The following GTF2H5 variants were observed in gnomAD, a reference collection of about 807,000 sequenced individuals.
GTF2H5 encodes TFB5 ortholog.
A neutral mutation model predicts 7.1 loss-of-function variants in GTF2H5; 5 were observed. That is an observed-to-expected ratio of 0.71 (90% confidence interval 0.37 to 1.49). GTF2H5 has a LOEUF of 1.49. Among genes scored for constraint, GTF2H5 ranks in the 40% most tolerant of loss-of-function variants. The probability of loss-of-function intolerance (pLI) is 0.03; values close to 1 mark genes in which losing one functional copy is unlikely to be tolerated. For synonymous variants in GTF2H5, 30 were observed against 31.7 expected, an observed-to-expected ratio of 0.95 and a Z score of 0.18; for missense variants, 80 against 83.0, an observed-to-expected ratio of 0.96 and a Z score of 0.14.
At chr6:158,168,436 T>C (rs982904567) in intron 1 of GTF2H5, 41 bp downstream of exon 1, 8 of 152,444 alleles carry the variant, frequency 5.2e-5, no homozygotes, top group Non-Finnish European at 1.0e-4. Context: ...AAGTGGGGTG[T>C]GGGAACACTG....
intron 2 of GTF2H5, among the ~76,000 whole-genome samples, chr6:158,176,383 T>A (rs1309605258): frequency 6.6e-6 from 1 of 152,174 alleles, no homozygotes; most frequent in Non-Finnish European, 1.5e-5. Context: ...CCTGCCACCA[T>A]GCCTGGCTAA....
In GTF2H5 at chr6:158,194,515, T is replaced by TG. The variant is rs1777078518; in HGVS notation, c.*2363dup. On this transcript the variant is annotated 3_prime_UTR_variant, in exon 3 of 3. Coordinates refer to ENST00000607778, the MANE Select transcript of GTF2H5 (RefSeq NM_207118.3). The stretch of plus-strand genomic sequence containing the variant: ...TAAATCTATCATAAGATGTCAGGTG[T>TG]GGGGGCTCTGCCAGACACAAACTCA... 6.6e-6 allele frequency: 1 copy of TG among 152,212 alleles called. No homozygotes were observed. Among genetic ancestry groups the TG allele is most frequent in the Admixed American group, 6.5e-5 (1 of 15,282 alleles). The allele number at this position is 152,212 out of a possible 1,614,324, so 9.4% of individuals were successfully genotyped here.
rs184669847 is a variant in GTF2H5, at chr6:158,169,740, A to G, written c.-34-730A>G. On this transcript the variant is annotated intron_variant, in intron 1 of 2. Coordinates refer to ENST00000607778, the MANE Select transcript of GTF2H5 (RefSeq NM_207118.3). ...TATATTATATAATATATTGTATATT[A>G]TATATTATATAATATATTGTATATT... is the stretch of plus-strand genomic sequence containing the variant. Among the ~76,000 whole-genome samples the G allele has an allele frequency of 3.5e-4, 14 of 40,488 alleles. 1 individual carries two copies. The highest frequency in any genetic ancestry group is 2.1e-3 in the African/African-American group (13 of 6,328). 26.6% of individuals were successfully genotyped at this position (40,488 alleles called of 152,430 possible).
intron 2 of GTF2H5, among the ~76,000 whole-genome samples, chr6:158,181,521 T>A (rs967957731): frequency 6.6e-6 from 1 of 152,182 alleles, no homozygotes; most frequent in African/African-American, 2.4e-5. Context: ...TCTTTGTAGG[T>A]CTCTAAGAAC....
At position 158,175,026 on chromosome 6, in the gene GTF2H5, G is replaced by GTGTGTGTGTGTGTGTGTGTATA. The variant is rs1554267650; in HGVS notation, c.35+4489_35+4510dup. Reference sequence around the variant, plus strand: ...GTGCCTGAGATGTGTGTGTGTGTGTGTGTGTGTGTGTGTGTGTGTATACAC... The same window carrying GTGTGTGTGTGTGTGTGTGTATA: ...GTGCCTGAGATGTGTGTGTGTGTGTGTGTGTGTGTGTGTGTGTGTATATGTGTGTGTGTGTGTGTGTATACAC... On this transcript the variant is annotated intron_variant, in intron 2 of 2. Coordinates refer to ENST00000607778, the MANE Select transcript of GTF2H5 (RefSeq NM_207118.3). Among the ~76,000 whole-genome samples, 289 of 140,212 alleles carry GTGTGTGTGTGTGTGTGTGTATA rather than the reference G, an allele frequency of 2.1e-3. 3 individuals carry two copies. Among genetic ancestry groups the GTGTGTGTGTGTGTGTGTGTATA allele is most frequent in the African/African-American group, 7.7e-3 (269 of 35,036 alleles). 92.0% of individuals were successfully genotyped at this position (140,212 alleles called of 152,430 possible).
intron 2 of GTF2H5, among the ~76,000 whole-genome samples, chr6:158,189,412 C>T (rs532109141): frequency 3.9e-5 from 6 of 152,258 alleles, no homozygotes; most frequent in Admixed American, 1.3e-4. Context: ...TGTTAGTATC[C>T]GTGTGGGTAG....
At chr6:158,191,831 A>G (rs1339112132) in intron 2 of GTF2H5, 146 bp from the exon 3 acceptor site, 2 of 693,770 alleles carry the variant, frequency 2.9e-6, no homozygotes, top group African/African-American at 3.5e-5. Context: ...AATTGTTAAC[A>G]CTTGAGGCAG....
At chr6:158,169,032 G>A (rs1050977928) in intron 1 of GTF2H5, among the ~76,000 whole-genome samples, 10 of 151,746 alleles carry the variant, frequency 6.6e-5, no homozygotes, top group African/African-American at 2.4e-4. Flanking sequence ...TCAGGAGTTC[G>A]AGACCAGCCT....
At chr6:158,187,157 GCTAA>G (rs1776942141) in intron 2 of GTF2H5, among the ~76,000 whole-genome samples, 2 of 151,806 alleles carry the variant, frequency 1.3e-5, no homozygotes, top group African/African-American at 4.8e-5. Flanking sequence ...ACCACGCCCG[GCTAA>G]TTTTTGTATT....
At chr6:158,175,009 G>GGTGTGT (rs1187190034) in intron 2 of GTF2H5, among the ~76,000 whole-genome samples, 13 of 77,846 alleles carry the variant, frequency 1.7e-4, no homozygotes, top group African/African-American at 4.3e-4. Context: ...CTGTGCCTGA[G>GGTGTGT]ATGTGTGTGT....
intron 2 of GTF2H5, among the ~76,000 whole-genome samples, chr6:158,188,839 A>G (rs970672674): frequency 6.6e-6 from 1 of 151,620 alleles, no homozygotes; most frequent in Non-Finnish European, 1.5e-5. Flanking sequence ...TTATATGCCG[A>G]TTTTTCCTTT....
At chr6:158,181,531 C>T (rs971256170) in intron 2 of GTF2H5, among the ~76,000 whole-genome samples, 2 of 152,168 alleles carry the variant, frequency 1.3e-5, no homozygotes, top group African/African-American at 2.4e-5. Context: ...TCTCTAAGAA[C>T]TTGCTTTACG....
chr6:158,183,227 T>C (rs1422499143), intron 2 of GTF2H5, among the ~76,000 whole-genome samples: 1 of 152,168 alleles, frequency 6.6e-6, no homozygotes, highest in Non-Finnish European at 1.5e-5. Flanking sequence ...ACAGTAAATA[T>C]TGCTGCCTGA....
chr6:158,169,298 TATATA>T (rs1252735885), intron 1 of GTF2H5, among the ~76,000 whole-genome samples: 3 of 123,212 alleles, frequency 2.4e-5, no homozygotes, highest in African/African-American at 9.1e-5. Flanking sequence ...ATTTATTTTA[TATATA>T]ATATATAATA....
intron 2 of GTF2H5, among the ~76,000 whole-genome samples, chr6:158,188,781 T>G (rs1414601313): frequency 6.6e-6 from 1 of 152,210 alleles, no homozygotes; most frequent in Non-Finnish European, 1.5e-5. Context: ...TTGTTGCCAT[T>G]CAGTTGCATG....
chr6:158,169,502 A>C (rs1469372488), intron 1 of GTF2H5, among the ~76,000 whole-genome samples: 1 of 62,748 alleles, frequency 1.6e-5, no homozygotes, highest in Non-Finnish European at 2.6e-5. Context: ...ATATTATATA[A>C]TATATTGTAT....
chr6:158,180,603 G>A (rs1785997026), intron 2 of GTF2H5, among the ~76,000 whole-genome samples: 1 of 152,144 alleles, frequency 6.6e-6, no homozygotes. Context: ...ACTTGGGAGG[G>A]TGTATGGTCC....
At chr6:158,188,489 AC>A (rs1446330077) in intron 2 of GTF2H5, among the ~76,000 whole-genome samples, 1 of 152,088 alleles carries the variant, frequency 6.6e-6, no homozygotes, top group Non-Finnish European at 1.5e-5. Flanking sequence ...TGCTTCATCA[AC>A]CCCACGTTCC....
At chr6:158,190,941 AG>A in intron 2 of GTF2H5, 1 of 516,178 alleles carries the variant, frequency 1.9e-6, no homozygotes, top group South Asian at 1.4e-5. Flanking sequence ...CTGCCCGAGA[AG>A]AAATTGTATC....
Sources: gnomAD v4.1 joint callset for allele counts (sites outside exome capture counted in the v4.1 genomes callset) on GRCh38, gnomAD v4.1.1 for gene constraint, MANE v1.5 for transcripts, NCBI Gene and HGNC (gene_info 2026-07-23, HGNC 2026-07-21) for gene names.